Variants in PAPOLA observed in about 807,000 individuals in gnomAD.
PAPOLA encodes the protein poly(A) polymerase alpha, also known as polynucleotide adenylyltransferase alpha.
In PAPOLA, 15 loss-of-function variants were observed where a neutral mutation model predicts 100.6. The observed-to-expected ratio is 0.15, with a 90% CI of 0.10 to 0.23. PAPOLA has a LOEUF of 0.23. Ranked by LOEUF, PAPOLA falls within the 10% of genes least tolerant of loss-of-function variation. The pLI is 1.00. For synonymous variants in PAPOLA, 293 were observed against 300.0 expected, an observed-to-expected ratio of 0.98 and a Z score of 0.24; for missense variants, 533 against 884.2, an observed-to-expected ratio of 0.60 and a Z score of 5.04.
At chr14:96,504,990 T>C (rs1196655315) in intron 1 of PAPOLA, among the ~76,000 whole-genome samples, 2 of 152,176 alleles carry the variant, frequency 1.3e-5, no homozygotes, top group Non-Finnish European at 2.9e-5. Context: ...TATCGAAATT[T>C]AGGATATTAC....
intron 1 of PAPOLA, among the ~76,000 whole-genome samples, chr14:96,517,318 G>T (rs540531560): frequency 2.0e-5 from 3 of 152,128 alleles, no homozygotes; most frequent in Non-Finnish European, 4.4e-5. Context: ...ATACAATTAC[G>T]TTAGGATATG....
chr14:96,562,963 G>A, intron 21 of PAPOLA, 70 bp downstream of exon 21: 1 of 867,848 alleles, frequency 1.2e-6, no homozygotes, highest in Non-Finnish European at 1.9e-6. Flanking sequence ...TTGAATTAAA[G>A]TGAGAGTTCA....
At position 96,536,096 on chromosome 14, in the gene PAPOLA, T is replaced by A. The variant is rs187787582; in HGVS notation, c.1030+97T>A. ...TGTGCAACTTAAATTGAAGAAGGATTCACTGAAGTGGATTTTGGTGTTCAT... is the reference window on the plus strand; with the variant it reads ...TGTGCAACTTAAATTGAAGAAGGATACACTGAAGTGGATTTTGGTGTTCAT... On this transcript the variant is annotated intron_variant, in intron 11 of 21. Coordinates refer to ENST00000216277, the MANE Select transcript of PAPOLA (RefSeq NM_032632.5). 90 of 884,318 alleles carry A rather than the reference T, an allele frequency of 1.0e-4. No homozygotes were observed. In the African/African-American group the frequency reaches 1.4e-3, roughly 13 times the overall value. 54.8% of individuals were successfully genotyped at this position (884,318 alleles called of 1,614,324 possible).
At chr14:96,518,812 T>A (rs1176416951) in intron 1 of PAPOLA, among the ~76,000 whole-genome samples, 1 of 151,998 alleles carries the variant, frequency 6.6e-6, no homozygotes, top group Non-Finnish European at 1.5e-5. Flanking sequence ...ATCCCAGCAC[T>A]TTGGGAGGCC....
At chr14:96,552,787 T>C in intron 17 of PAPOLA, 165 bp downstream of exon 17, 1 of 632,858 alleles carries the variant, frequency 1.6e-6, no homozygotes, top group East Asian at 2.8e-5. Context: ...ATAGTACTTT[T>C]TGGTTTTGTC....
rs1168538348 is a variant in PAPOLA at position 96,503,527 on chromosome 14, C to T, written c.8+927C>T. Among the ~76,000 whole-genome samples the T allele has an allele frequency of 3.3e-5, 5 of 150,912 alleles. No homozygotes were observed. In the East Asian group the frequency reaches 9.7e-4, roughly 29 times the overall value. ...CAGTAGATTACGGATTTTTTTTTTC[C>T]TGCAAATATACAGCATTGTAGAGGC... On this transcript the variant is annotated intron_variant, in intron 1 of 21. Coordinates refer to ENST00000216277, the MANE Select transcript of PAPOLA (RefSeq NM_032632.5).
rs370479030 is a variant in PAPOLA, at chr14:96,556,200, A to T, written c.1791A>T (p.Gln597His). ...SGGTSSESIP[Q>H]TATQPAISPP... ...GTACATCGAGTGAAAGCATTCCTCA[A>T]ACTGCCACACAACCAGCCATTTCTC... is the stretch of plus-strand genomic sequence containing the variant. Residue 597 changes from glutamine (Q) to histidine (H), a missense_variant, in exon 19 of 22, where the codon CAA becomes CAT. By Grantham distance (24) the Gln-to-His change is conservative. Transcript: ENST00000216277. 6.2e-7 allele frequency: 1 copy of T among 1,614,050 alleles called. No homozygotes were observed. Among genetic ancestry groups the T allele is most frequent in the Admixed American group, 1.7e-5 (1 of 60,008 alleles).
chr14:96,565,176 T>C lies in PAPOLA; in HGVS notation c.*126T>C. On this transcript the variant is annotated 3_prime_UTR_variant, in exon 22 of 22. Transcript: ENST00000216277. The stretch of plus-strand genomic sequence containing the variant: ...AATGGATTTGGGTTTTTTGGTGACC[T>C]CCCTTACTGGGCTAATCAGCACTTG... 1 of 636,764 alleles carries C rather than the reference T, an allele frequency of 1.6e-6. No individual in the cohort carries two copies. Among genetic ancestry groups the C allele is most frequent in the Non-Finnish European group, 2.9e-6 (1 of 346,716 alleles). 39.4% of individuals were successfully genotyped at this position (636,764 alleles called of 1,614,324 possible). A position where few individuals can be genotyped will look rare whatever the true frequency, so the allele number is the denominator to read the frequency against.
At position 96,565,055 on chromosome 14, in the gene PAPOLA, A is replaced by C; in HGVS notation, c.*5A>C. 1 of 1,429,208 alleles carries C rather than the reference A, an allele frequency of 7.0e-7. No homozygotes were observed. 88.5% of individuals were successfully genotyped at this position (1,429,208 alleles called of 1,614,324 possible). A position where few individuals can be genotyped will look rare whatever the true frequency, so the allele number is the denominator to read the frequency against. ...AAACTGAGATTGAATCGGTAAAAAC[A>C]ACCTCAGGGGTCCATAAACAATATC... On this transcript the variant is annotated 3_prime_UTR_variant, in exon 22 of 22. Transcript: ENST00000216277.
chr14:96,514,228 G>T (rs948795662), intron 1 of PAPOLA, among the ~76,000 whole-genome samples: 12 of 150,728 alleles, frequency 8.0e-5, no homozygotes, highest in Admixed American at 7.9e-4. Context: ...GCCCAGGCTG[G>T]AGTGCTGGGA....
intron 15 of PAPOLA, 181 bp from the exon 16 acceptor site, chr14:96,547,616 G>T (rs541970128): frequency 4.3e-6 from 2 of 467,486 alleles, no homozygotes; most frequent in East Asian, 3.7e-5. Context: ...AGCTCATCTT[G>T]TGGTAAAAGG....
intron 1 of PAPOLA, among the ~76,000 whole-genome samples, chr14:96,503,703 A>AT (rs1896504776): frequency 6.6e-6 from 1 of 151,822 alleles, no homozygotes; most frequent in South Asian, 2.1e-4. Context: ...CAGGATAAAG[A>AT]TTTTTGTGGT....
At chr14:96,520,918 T>C (rs1897908437) in intron 2 of PAPOLA, 88 bp from the exon 3 acceptor site, 1 of 738,230 alleles carries the variant, frequency 1.4e-6, no homozygotes, top group South Asian at 1.5e-5. Context: ...TAAAAACTCA[T>C]AATTTAGGAA....
chr14:96,514,065 T>A (rs1897272137), intron 1 of PAPOLA, among the ~76,000 whole-genome samples: 1 of 152,236 alleles, frequency 6.6e-6, no homozygotes. Context: ...TCTTCACTGA[T>A]TTAAAATGGT....
chr14:96,536,004 G>T lies in PAPOLA; in HGVS notation c.1030+5G>T, dbSNP rs1302982446. The T allele has an allele frequency of 6.3e-7, 1 of 1,590,256 alleles. No individual in the cohort carries two copies. The highest frequency in any genetic ancestry group is 1.4e-5 in the African/African-American group (1 of 74,024). On this transcript the variant is annotated splice_donor_5th_base_variant and intron_variant, in intron 11 of 21. Coordinates refer to ENST00000216277, the MANE Select transcript of PAPOLA (RefSeq NM_032632.5). ...TGGTTGAGGAGTTTAAACAAGGTAA[G>T]TGTTTATCCTTATGCTCTGATTTAT...
rs1896358153 is a variant in PAPOLA, at chr14:96,502,573, C to T, written c.-20C>T. ...CGGTTGCGGGGGGGAAGTGACTGGG[C>T]GGTGCCGGCGCCGGAGACGATGCCG... On this transcript the variant is annotated 5_prime_UTR_variant, in exon 1 of 22. Transcript: ENST00000216277. 1.3e-6 allele frequency: 2 copies of T among 1,550,308 alleles called. No individual in the cohort carries two copies. Among genetic ancestry groups the T allele is most frequent in the African/African-American group, 1.4e-5 (1 of 71,442 alleles).
chr14:96,549,799 G>A (rs535055463), intron 16 of PAPOLA, among the ~76,000 whole-genome samples: 1 of 152,220 alleles, frequency 6.6e-6, no homozygotes, highest in African/African-American at 2.4e-5. Context: ...CTTTAGTGTT[G>A]TATTATTAAT....
chr14:96,510,268 A>G (rs1312271565), intron 1 of PAPOLA, among the ~76,000 whole-genome samples: 1 of 152,192 alleles, frequency 6.6e-6, no homozygotes. Context: ...AGTGTCTGTA[A>G]TACTATGACT....
rs75991411 is a variant in PAPOLA at position 96,523,305 on chromosome 14, T to C, written c.250-2005T>C. ...ATATCTAAAAATGTAGTTTATAATA[T>C]ACTAGTCACTAGTCACCAGCCAGGT... On this transcript the variant is annotated intron_variant, in intron 3 of 21. Coordinates refer to ENST00000216277, the MANE Select transcript of PAPOLA (RefSeq NM_032632.5). Among the ~76,000 whole-genome samples the C allele has an allele frequency of 2.6e-4, 40 of 152,328 alleles. No individual in the cohort carries two copies. In the East Asian group the frequency reaches 6.0e-3, roughly 23 times the overall value.
Sources: allele counts gnomAD v4.1 joint callset (sites outside exome capture counted in the v4.1 genomes callset), GRCh38; gene constraint gnomAD v4.1.1; transcripts MANE v1.5; gene names NCBI Gene and HGNC (gene_info 2026-07-23, HGNC 2026-07-21).